CRYL1: variants seen among roughly 807,000 people sequenced by gnomAD.
The protein encoded by CRYL1 is lambda-crystallin homolog.
In CRYL1, 29 loss-of-function variants were observed where a neutral mutation model predicts 36.6. That is an observed-to-expected ratio of 0.79 (90% CI 0.59 to 1.08). The LOEUF (loss-of-function observed/expected upper bound fraction) is 1.08. Among genes scored for constraint, CRYL1 ranks in the 50% least tolerant of loss-of-function variants. The pLI is 0.00. For missense variants in CRYL1, 411 were observed against 407.9 expected (o/e 1.01, Z -0.06); for synonymous variants, 152 against 151.5 (o/e 1.00, Z -0.02).
intron 3 of CRYL1, among the ~76,000 whole-genome samples, chr13:20,478,857 A>G (rs921850766): frequency 2.0e-5 from 3 of 151,658 alleles, no homozygotes; most frequent in African/African-American, 7.3e-5. Flanking sequence ...GGTTCAAGTG[A>G]TTCCCCTGCC....
At chr13:20,490,641 C>T (rs1048993882) in intron 2 of CRYL1, among the ~76,000 whole-genome samples, 1 of 131,572 alleles carries the variant, frequency 7.6e-6, no homozygotes, top group African/African-American at 2.8e-5. Context: ...TAAAATGAAA[C>T]AATCTCATGG....
At chr13:20,454,133 C>T (rs2032627562) in intron 3 of CRYL1, among the ~76,000 whole-genome samples, 1 of 152,142 alleles carries the variant, frequency 6.6e-6, no homozygotes, top group Non-Finnish European at 1.5e-5. Context: ...TTTCCCAACT[C>T]ATTCTATGAA....
intron 6 of CRYL1, among the ~76,000 whole-genome samples, chr13:20,407,589 A>G (rs565554103): frequency 2.6e-5 from 4 of 152,196 alleles, no homozygotes; most frequent in Admixed American, 2.0e-4. Flanking sequence ...GCCCTTCCCC[A>G]CTATTTCTAT....
chr13:20,524,449 C>T (rs1023915994), intron 1 of CRYL1, among the ~76,000 whole-genome samples: 1 of 151,984 alleles, frequency 6.6e-6, no homozygotes, highest in African/African-American at 2.4e-5. Flanking sequence ...ACCATCTCGG[C>T]TCACCGCAAC....
At chr13:20,518,303 G>T (rs2034038103) in intron 1 of CRYL1, among the ~76,000 whole-genome samples, 1 of 152,184 alleles carries the variant, frequency 6.6e-6, no homozygotes. Flanking sequence ...CTGAGAGGCA[G>T]AGAAATGTTA....
rs1455796974 is a variant in CRYL1, at chr13:20,435,071, G to T, written c.439-2775C>A. On this transcript the variant is annotated intron_variant, in intron 4 of 7. Transcript: ENST00000298248. This position sits in a 1 kb window ranked among gnomAD's most constrained non-coding sequence, Gnocchi z 4.0. ...GTGCCGCGGCTGGGGTGGAGCTGTG[G>T]AAAGTTAGTGTTTCATGGGTAGGAG... Among the ~76,000 whole-genome samples the T allele has an allele frequency of 6.6e-6, 1 of 152,082 alleles. No homozygotes were observed. Among genetic ancestry groups the T allele is most frequent in the Non-Finnish European group, 1.5e-5 (1 of 68,016 alleles).
At position 20,432,095 on chromosome 13, in the gene CRYL1, C is replaced by T. The variant is rs746733752; in HGVS notation, c.633+7G>A. 2.5e-6 allele frequency: 4 copies of T among 1,614,058 alleles called. No individual in the cohort carries two copies. In the East Asian group the frequency reaches 6.7e-5, roughly 27 times the overall value. On this transcript the variant is annotated splice_region_variant and intron_variant, in intron 5 of 7. Coordinates refer to ENST00000298248, the MANE Select transcript of CRYL1 (RefSeq NM_015974.3). The stretch of plus-strand genomic sequence containing the variant: ...GGGAGGGAGGGAGAGAGGACGGGCA[C>T]ACACACCTCCACTAGCCGCCAGGCC...
chr13:20,478,696 C>G (rs1485278790), intron 3 of CRYL1, among the ~76,000 whole-genome samples: 1 of 152,108 alleles, frequency 6.6e-6, no homozygotes, highest in South Asian at 2.1e-4. Context: ...AGGCTGGTCT[C>G]GAACTCCTGA....
At chr13:20,470,418 C>T (rs1000317220) in intron 3 of CRYL1, among the ~76,000 whole-genome samples, 2 of 152,222 alleles carry the variant, frequency 1.3e-5, no homozygotes, top group African/African-American at 2.4e-5. Flanking sequence ...CCCTCAAAGG[C>T]GCTGAGCTGG....
intron 1 of CRYL1, among the ~76,000 whole-genome samples, chr13:20,519,007 G>A (rs2034049407): frequency 6.6e-6 from 1 of 152,200 alleles, no homozygotes; most frequent in Non-Finnish European, 1.5e-5. Context: ...GAAATGCTAA[G>A]GGTGGGTCTA....
At chr13:20,504,502 T>C (rs186466232) in intron 2 of CRYL1, among the ~76,000 whole-genome samples, 1 of 152,032 alleles carries the variant, frequency 6.6e-6, no homozygotes, top group East Asian at 1.9e-4. Context: ...GATGGGGTTT[T>C]ACTACGTTGG....
At chr13:20,484,131 A>C (rs1364464458) in intron 3 of CRYL1, among the ~76,000 whole-genome samples, 1 of 152,112 alleles carries the variant, frequency 6.6e-6, no homozygotes, top group Non-Finnish European at 1.5e-5. Context: ...ACAGCAATTA[A>C]TTTTTTTTAA....
intron 3 of CRYL1, among the ~76,000 whole-genome samples, chr13:20,476,557 C>T (rs1212465667): frequency 6.6e-6 from 1 of 152,208 alleles, no homozygotes; most frequent in Non-Finnish European, 1.5e-5. Context: ...CACAGCAAGG[C>T]AGCTCTGCGT....
At chr13:20,460,726 T>C (rs1018157565) in intron 3 of CRYL1, among the ~76,000 whole-genome samples, 6 of 152,004 alleles carry the variant, frequency 3.9e-5, no homozygotes, top group Non-Finnish European at 5.9e-5. Flanking sequence ...GGGGTTTCAC[T>C]GTGTTAGCCA....
At chr13:20,475,556 G>A (rs879864059) in intron 3 of CRYL1, among the ~76,000 whole-genome samples, 3 of 152,176 alleles carry the variant, frequency 2.0e-5, no homozygotes, top group African/African-American at 7.2e-5. Context: ...CGGGGGTGTC[G>A]TGAGGACTGA....
rs1457824619 is a variant in CRYL1 at position 20,525,602 on chromosome 13, C to T, written c.41+152G>A. On this transcript the variant is annotated intron_variant, in intron 1 of 7. Coordinates refer to ENST00000298248, the MANE Select transcript of CRYL1 (RefSeq NM_015974.3). The surrounding 1 kb of genome is among the most constrained non-coding windows in gnomAD (Gnocchi z 4.3). ...CGCCTCTCCCCGAGCCCGCCAGCGC[C>T]GTAGGGGCCGCAGGGCGCAGGGCTT... 4 of 598,500 alleles carry T rather than the reference C, an allele frequency of 6.7e-6. No individual in the cohort carries two copies. The highest frequency in any genetic ancestry group is 7.4e-5 in the South Asian group (1 of 13,518). The allele number at this position is 598,500 out of a possible 1,614,324, so 37.1% of individuals were successfully genotyped here. A position where few individuals can be genotyped will look rare whatever the true frequency, so the allele number is the denominator to read the frequency against.
chr13:20,498,704 C>A (rs1269857171), intron 2 of CRYL1, among the ~76,000 whole-genome samples: 1 of 151,812 alleles, frequency 6.6e-6, no homozygotes, highest in Non-Finnish European at 1.5e-5. Context: ...TTTTATTTAC[C>A]TTTTCAGTAA....
In CRYL1 at chr13:20,512,516, C is replaced by A; in HGVS notation, c.76G>T (p.Ala26Ser). The A allele has an allele frequency of 6.2e-7, 1 of 1,614,086 alleles. No homozygotes were observed. Among genetic ancestry groups the A allele is most frequent in the South Asian group, 1.1e-5 (1 of 91,056 alleles). ...VIGRSWAMLF[A>S]SGGFQVKLYD... is the part of the protein sequence containing the mutation. ...AGTTTCACCTGGAAGCCTCCACTGG[C>A]AAACAGCATGGCCCAGCTTCGCCCA... The change falls in exon 2 of 8, where the codon GCC becomes TCC. Residue 26 changes from alanine (A) to serine (S), a missense_variant. Coordinates refer to ENST00000298248, the MANE Select transcript of CRYL1 (RefSeq NM_015974.3).
chr13:20,413,410 A>T, intron 5 of CRYL1, 23 bp from the exon 6 acceptor site: 1 of 1,491,514 alleles, frequency 6.7e-7, no homozygotes, highest in Non-Finnish European at 9.3e-7. Context: ...ATTGGGCGGC[A>T]TAGATGAGTT....
Sources: allele counts gnomAD v4.1 joint callset (sites outside exome capture counted in the v4.1 genomes callset), GRCh38; gene constraint gnomAD v4.1.1; non-coding constraint Gnocchi (gnomAD v3.1); transcripts MANE v1.5; gene names NCBI Gene and HGNC (gene_info 2026-07-23, HGNC 2026-07-21).